The following SNX14 variants were observed in gnomAD, a reference collection of about 807,000 sequenced individuals.
SNX14 encodes sorting nexin-14.
A neutral mutation model predicts 133.8 loss-of-function variants in SNX14; 93 were observed. The observed-to-expected ratio is 0.70, with a 90% CI of 0.59 to 0.83. The LOEUF (loss-of-function observed/expected upper bound fraction) is 0.83. Ranked by LOEUF, SNX14 falls within the 40% of genes least tolerant of loss-of-function variation. The pLI is 0.00. For synonymous variants in SNX14, 368 were observed against 365.6 expected (o/e 1.01, Z -0.07); for missense variants, 945 against 1,094.9 (o/e 0.86, Z 1.93).
rs61762676 is a variant in SNX14 at position 85,528,298 on chromosome 6, T to C, written c.1959A>G (p.Leu653=). Reference sequence around the variant, plus strand: ...CTTGGAACTCTTCCCTCTTTGACTTTAAGAATTCATAATTTTTGGGGCCAA... The same window carrying C: ...CTTGGAACTCTTCCCTCTTTGACTTCAAGAATTCATAATTTTTGGGGCCAA... ...RIIGPKNYEF[L]KSKREEFQEY... The change falls in exon 20 of 29, where the codon TTA becomes TTG. Residue 653 remains leucine (L), a synonymous_variant. Transcript: ENST00000314673. 16 of 1,613,324 alleles carry C rather than the reference T, an allele frequency of 9.9e-6. No individual in the cohort carries two copies. The highest frequency in any genetic ancestry group is 1.3e-5 in the Non-Finnish European group (15 of 1,179,648).
In SNX14 at chr6:85,564,077, C is replaced by G. The variant is rs1265613078; in HGVS notation, c.549+1255G>C. Among the ~76,000 whole-genome samples the G allele has an allele frequency of 2.0e-5, 3 of 152,148 alleles. No individual in the cohort carries two copies. In the East Asian group the frequency reaches 5.8e-4, roughly 29 times the overall value. On this transcript the variant is annotated intron_variant, in intron 6 of 28. Coordinates refer to ENST00000314673, the MANE Select transcript of SNX14 (RefSeq NM_153816.6). ...GAGAATGATGGTTTCCAGCTTCATC[C>G]ATGTCCCTACAAAGGACATGAACTC...
At chr6:85,543,402 A>C in intron 13 of SNX14, 96 bp from the exon 14 acceptor site, 1 of 1,224,484 alleles carries the variant, frequency 8.2e-7, no homozygotes. Context: ...AACACACTAG[A>C]TTGAGAAATT....
intron 12 of SNX14, among the ~76,000 whole-genome samples, chr6:85,546,680 T>A (rs1353008352): frequency 6.6e-6 from 1 of 152,042 alleles, no homozygotes; most frequent in African/African-American, 2.4e-5. Context: ...ATCAAGTATA[T>A]GGCCGGGCGC....
At chr6:85,511,067 A>G (rs952787549) in intron 26 of SNX14, among the ~76,000 whole-genome samples, 1 of 152,162 alleles carries the variant, frequency 6.6e-6, no homozygotes, top group South Asian at 2.1e-4. Flanking sequence ...ATCTCTCTCC[A>G]TTTATTTAGT....
At chr6:85,584,492 C>G (rs892278596) in intron 1 of SNX14, among the ~76,000 whole-genome samples, 1 of 152,090 alleles carries the variant, frequency 6.6e-6, no homozygotes, top group Non-Finnish European at 1.5e-5. Context: ...TTTCTGCAAT[C>G]TATCCATCTG....
intron 21 of SNX14, among the ~76,000 whole-genome samples, chr6:85,525,617 T>C (rs1778269182): frequency 6.6e-6 from 1 of 152,124 alleles, no homozygotes; most frequent in South Asian, 2.1e-4. Context: ...CCTAAATAAC[T>C]ACTACAAGTG....
At chr6:85,587,869 C>T (rs774918344) in intron 1 of SNX14, among the ~76,000 whole-genome samples, 1 of 152,164 alleles carries the variant, frequency 6.6e-6, no homozygotes, top group East Asian at 1.9e-4. Context: ...AATTAGAATC[C>T]TGGTTGCCAA....
At chr6:85,526,074 T>C (rs1778394826) in intron 21 of SNX14, 52 bp downstream of exon 21, 1 of 1,195,278 alleles carries the variant, frequency 8.4e-7, no homozygotes, top group Admixed American at 2.5e-5. Context: ...AATCTGAAAA[T>C]GCTGATTCTT....
chr6:85,560,283 T>A (rs990219273), intron 6 of SNX14, among the ~76,000 whole-genome samples: 2 of 152,098 alleles, frequency 1.3e-5, no homozygotes, highest in Non-Finnish European at 1.5e-5. Context: ...ATTCACACAA[T>A]GGAATATTAG....
intron 7 of SNX14, among the ~76,000 whole-genome samples, chr6:85,552,736 C>T (rs1788261620): frequency 6.6e-6 from 1 of 152,210 alleles, no homozygotes; most frequent in Non-Finnish European, 1.5e-5. Flanking sequence ...ACCACTGTCA[C>T]GTAGACCTCA....
rs186223579 is a variant in SNX14 at position 85,508,098 on chromosome 6, T to G, written c.2654-39A>C. ...CCAAATGTGAAATAATTTTATATTATAAAGTGACTCACCATTAACTGGATC... is the reference window on the plus strand; with the variant it reads ...CCAAATGTGAAATAATTTTATATTAGAAAGTGACTCACCATTAACTGGATC... On this transcript the variant is annotated intron_variant, in intron 26 of 28. Transcript: ENST00000314673. 2.2e-4 allele frequency: 350 copies of G among 1,590,846 alleles called. 1 individual carries two copies. In the African/African-American group the frequency reaches 4.0e-3, roughly 18 times the overall value.
intron 21 of SNX14, among the ~76,000 whole-genome samples, chr6:85,524,698 C>T (rs148908507): frequency 4.6e-5 from 7 of 151,158 alleles, no homozygotes; most frequent in South Asian, 4.2e-4. Flanking sequence ...GCAGGAGAAT[C>T]GCTTGAACCT....
At chr6:85,526,015 A>C in intron 21 of SNX14, 111 bp downstream of exon 21, 3 of 573,910 alleles carry the variant, frequency 5.2e-6, no homozygotes, top group Non-Finnish European at 5.8e-6. Context: ...ATGCAGAAAT[A>C]AGGGCCCTCG....
chr6:85,580,593 C>T (rs1798735743), intron 1 of SNX14, among the ~76,000 whole-genome samples: 3 of 152,046 alleles, frequency 2.0e-5, no homozygotes, highest in Admixed American at 2.0e-4. Context: ...CTACCCTGGG[C>T]CAAAGGGGAG....
At chr6:85,560,625 T>C (rs1182337097) in intron 6 of SNX14, among the ~76,000 whole-genome samples, 1 of 152,234 alleles carries the variant, frequency 6.6e-6, no homozygotes, top group Non-Finnish European at 1.5e-5. Context: ...ATGGGTGAAT[T>C]ACATGGTATG....
intron 15 of SNX14, among the ~76,000 whole-genome samples, chr6:85,541,783 T>G (rs940315959): frequency 1.3e-5 from 2 of 152,214 alleles, no homozygotes; most frequent in African/African-American, 4.8e-5. Flanking sequence ...ATTATGTATC[T>G]TGTTAAAATT....
At chr6:85,520,042 CAGTAGTAGT>C (rs1192394565) in intron 21 of SNX14, among the ~76,000 whole-genome samples, 1 of 148,274 alleles carries the variant, frequency 6.7e-6, no homozygotes, top group Non-Finnish European at 1.5e-5. Flanking sequence ...GTAGTAGTAG[CAGTAGTAGT>C]AGTAGTAATA....
At chr6:85,543,980 A>G (rs1784692351) in intron 12 of SNX14, among the ~76,000 whole-genome samples, 1 of 152,042 alleles carries the variant, frequency 6.6e-6, no homozygotes, top group Admixed American at 6.5e-5. Flanking sequence ...ATGTAAATAC[A>G]TAAATACCAA....
intron 7 of SNX14, among the ~76,000 whole-genome samples, chr6:85,554,542 A>G (rs1462556510): frequency 6.6e-6 from 1 of 152,158 alleles, no homozygotes; most frequent in South Asian, 2.1e-4. Context: ...AAAAATTTGA[A>G]AACTTTTTTT....
Sources: gnomAD v4.1 joint callset for allele counts (sites outside exome capture counted in the v4.1 genomes callset) on GRCh38, gnomAD v4.1.1 for gene constraint, MANE v1.5 for transcripts, NCBI Gene and HGNC (gene_info 2026-07-23, HGNC 2026-07-21) for gene names.